CUX1: variants seen among roughly 807,000 people sequenced by gnomAD.
CUX1 encodes the protein cut like homeobox 1.
In CUX1, 31 loss-of-function variants were observed where a neutral mutation model predicts 158.8. The ratio of observed to expected loss-of-function variants is 0.20; its 90% CI spans 0.15 to 0.26. The LOEUF (loss-of-function observed/expected upper bound fraction) is 0.26, where lower values mean the gene tolerates loss of function less well. Ranked by LOEUF, CUX1 falls within the 10% of genes least tolerant of loss-of-function variation. The pLI, the probability that CUX1 is intolerant of heterozygous loss-of-function variation, is 1.00. For synonymous variants in CUX1, 879 were observed against 862.1 expected (o/e 1.02, Z -0.34); for missense variants, 1,589 against 2,014.6 (o/e 0.79, Z 4.04).
At chr7:102,169,160 T>C (rs2268032) in intron 9 of CUX1, among the ~76,000 whole-genome samples, 9,914 of 152,036 alleles carry the variant, frequency 0.065, 452 homozygotes, top group African/African-American at 0.12. Context: ...CTCGAACTCC[T>C]GACCTCAGGT....
At chr7:102,112,579 T>G (rs1191709350) in intron 7 of CUX1, among the ~76,000 whole-genome samples, 3 of 25,100 alleles carry the variant, frequency 1.2e-4, no homozygotes, top group African/African-American at 5.1e-4. Flanking sequence ...TTGTTTTTGT[T>G]TTTTTTTTGA....
At chr7:102,071,533 T>C (rs983608192) in intron 4 of CUX1, among the ~76,000 whole-genome samples, 2 of 152,142 alleles carry the variant, frequency 1.3e-5, no homozygotes, top group Non-Finnish European at 2.9e-5. Flanking sequence ...AAGCAAAGAA[T>C]TGGAATTACC....
chr7:101,993,661 A>G (rs1042319009), intron 2 of CUX1, among the ~76,000 whole-genome samples: 1 of 152,206 alleles, frequency 6.6e-6, no homozygotes, highest in Non-Finnish European at 1.5e-5. Flanking sequence ...CGGCCTAGCT[A>G]TGTGGCCCCC....
At chr7:102,025,931 C>T (rs539889158) in intron 2 of CUX1, among the ~76,000 whole-genome samples, 7 of 152,082 alleles carry the variant, frequency 4.6e-5, no homozygotes, top group Non-Finnish European at 1.0e-4. Flanking sequence ...AATCCTAGCA[C>T]TGTGGGAGAT....
At chr7:101,945,072 C>G (rs1808211366) in intron 2 of CUX1, among the ~76,000 whole-genome samples, 1 of 152,214 alleles carries the variant, frequency 6.6e-6, no homozygotes, top group Non-Finnish European at 1.5e-5. Flanking sequence ...CAAGCCCACT[C>G]TGGGACTCCT....
intron 3 of CUX1, among the ~76,000 whole-genome samples, chr7:102,050,277 CAT>C (rs1297473228): frequency 6.6e-6 from 1 of 152,194 alleles, no homozygotes; most frequent in African/African-American, 2.4e-5. Context: ...GTTATATGCA[CAT>C]GTTTAAAGAT....
intron 1 of CUX1, among the ~76,000 whole-genome samples, chr7:101,883,023 C>A (rs948121154): frequency 2.6e-5 from 4 of 152,080 alleles, no homozygotes; most frequent in African/African-American, 7.2e-5. Context: ...TTATGTATAG[C>A]CCTGAGTCAC....
intron 1 of CUX1, among the ~76,000 whole-genome samples, chr7:101,887,461 C>T (rs1026610892): frequency 6.6e-6 from 1 of 152,022 alleles, no homozygotes; most frequent in South Asian, 2.1e-4. Flanking sequence ...TGTGAGCCAC[C>T]ATGCCTGGAT....
chr7:101,944,088 A>T (rs1289374963), intron 2 of CUX1, among the ~76,000 whole-genome samples: 1 of 152,046 alleles, frequency 6.6e-6, no homozygotes, highest in East Asian at 1.9e-4. Context: ...CAGCCATCCC[A>T]GGTGTGAGTG....
chr7:102,111,640 C>A, intron 6 of CUX1, 58 bp from the exon 7 acceptor site: 1 of 1,480,900 alleles, frequency 6.8e-7, no homozygotes, highest in Non-Finnish European at 9.4e-7. Context: ...GAAAGGCACA[C>A]GTGCATTTCA....
chr7:101,983,729 A>G (rs1397048035), intron 2 of CUX1, among the ~76,000 whole-genome samples: 2 of 152,076 alleles, frequency 1.3e-5, no homozygotes, highest in Non-Finnish European at 2.9e-5. Flanking sequence ...TTAAACAACC[A>G]GATCTCACAA....
intron 2 of CUX1, among the ~76,000 whole-genome samples, chr7:101,979,345 G>A (rs551568643): frequency 4.6e-5 from 7 of 152,336 alleles, no homozygotes; most frequent in East Asian, 3.9e-4. Context: ...GCGTGAATTC[G>A]GTCACGCTTA....
intron 20 of CUX1, among the ~76,000 whole-genome samples, chr7:102,206,085 C>G (rs185126664): frequency 1.3e-5 from 2 of 152,190 alleles, no homozygotes; most frequent in African/African-American, 4.8e-5. Context: ...GCCAGCTTGC[C>G]GCAAGCTCCA....
At chr7:101,892,554 T>G (rs1231501889) in intron 1 of CUX1, among the ~76,000 whole-genome samples, 1 of 152,100 alleles carries the variant, frequency 6.6e-6, no homozygotes, top group Admixed American at 6.6e-5. Flanking sequence ...AGTCTGAGAG[T>G]CTGCGTGGAT....
intron 10 of CUX1, among the ~76,000 whole-genome samples, chr7:102,176,633 C>T (rs1359238717): frequency 5.6e-5 from 7 of 125,012 alleles, no homozygotes; most frequent in African/African-American, 1.9e-4. Context: ...GTCAGTGGTG[C>T]AATCATGGCC....
At chr7:102,097,242 T>G in intron 4 of CUX1, 122 bp from the exon 5 acceptor site, 1 of 1,196,702 alleles carries the variant, frequency 8.4e-7, no homozygotes, top group Non-Finnish European at 1.1e-6. Context: ...GGGGCATGAC[T>G]GTGGCCTCTG....
At chr7:101,887,840 GACA>G (rs1800389903) in intron 1 of CUX1, among the ~76,000 whole-genome samples, 1 of 112,752 alleles carries the variant, frequency 8.9e-6, no homozygotes, top group Non-Finnish European at 1.8e-5. Context: ...TGATGACGGT[GACA>G]TTTTTTTTTT....
At chr7:101,922,847 G>T (rs779943701) in intron 2 of CUX1, among the ~76,000 whole-genome samples, 5 of 152,250 alleles carry the variant, frequency 3.3e-5, no homozygotes, top group Admixed American at 6.5e-5. Context: ...CAGCACCTCT[G>T]CACTGGGCTG....
At chr7:102,098,312 C>T (rs960296991) in intron 5 of CUX1, among the ~76,000 whole-genome samples, 1 of 152,202 alleles carries the variant, frequency 6.6e-6, no homozygotes, top group African/African-American at 2.4e-5. Context: ...GTAGAGACTT[C>T]AATAAAGAGT....
Sources: allele counts gnomAD v4.1 joint callset (sites outside exome capture counted in the v4.1 genomes callset), GRCh38; gene constraint gnomAD v4.1.1; transcripts MANE v1.5; gene names NCBI Gene and HGNC (gene_info 2026-07-23, HGNC 2026-07-21).